The following IL1RAPL1 variants were observed in gnomAD, a reference collection of about 807,000 sequenced individuals.
IL1RAPL1 encodes the protein interleukin 1 receptor accessory protein like 1, also known as interleukin-1 receptor accessory protein-like 1.
A neutral mutation model predicts 48.4 loss-of-function variants in IL1RAPL1; 3 were observed. The observed-to-expected ratio is 0.06, with a 90% CI of 0.03 to 0.16. The LOEUF is 0.16. IL1RAPL1 is among the 10% of genes least tolerant of loss of function. The probability of loss-of-function intolerance (pLI) is 1.00; values close to 1 mark genes in which losing one functional copy is unlikely to be tolerated. For missense variants in IL1RAPL1, 349 were observed against 530.6 expected (o/e 0.66, Z 3.36); for synonymous variants, 185 against 187.7 (o/e 0.99, Z 0.12).
At chrX:28,926,589 C>CA (rs760730732) in intron 2 of IL1RAPL1, among the ~76,000 whole-genome samples, 2 of 111,448 alleles carry the variant, frequency 1.8e-5, no homozygotes, top group African/African-American at 6.5e-5. Context: ...TTGATTATAG[C>CA]AAACCATCTC....
intron 2 of IL1RAPL1, among the ~76,000 whole-genome samples, chrX:29,167,906 G>A (rs1194305362): frequency 9.0e-6 from 1 of 110,719 alleles, no homozygotes; most frequent in African/African-American, 3.3e-5. Flanking sequence ...CTTTTTAAAT[G>A]AAATATGCAG....
At chrX:29,803,712 CTT>C (rs1930183342) in intron 6 of IL1RAPL1, among the ~76,000 whole-genome samples, 1 of 107,133 alleles carries the variant, frequency 9.3e-6, no homozygotes, top group African/African-American at 3.4e-5. Context: ...TTGATTATAA[CTT>C]TTAAAAAGTC....
At chrX:29,431,971 G>T (rs1032040883) in intron 5 of IL1RAPL1, among the ~76,000 whole-genome samples, 4 of 111,576 alleles carry the variant, frequency 3.6e-5, no homozygotes, top group Non-Finnish European at 7.6e-5. Context: ...TTACAACTCA[G>T]TTTGTTTCAT....
chrX:28,853,871 A>G (rs750636600), intron 2 of IL1RAPL1, among the ~76,000 whole-genome samples: 1 of 111,731 alleles, frequency 9.0e-6, no homozygotes, highest in South Asian at 3.7e-4. Flanking sequence ...GAGAGTGTTT[A>G]ATTTTACTGA....
At chrX:29,852,442 C>T (rs993985746) in intron 6 of IL1RAPL1, among the ~76,000 whole-genome samples, 1 of 112,171 alleles carries the variant, frequency 8.9e-6, no homozygotes, top group African/African-American at 3.2e-5. Flanking sequence ...AATGATGTCA[C>T]TCTTGGGCAG....
intron 6 of IL1RAPL1, among the ~76,000 whole-genome samples, chrX:29,896,126 A>T (rs747026321): frequency 8.9e-6 from 1 of 112,211 alleles, no homozygotes; most frequent in Non-Finnish European, 1.9e-5. Flanking sequence ...TTTTAGTGGA[A>T]GGCTATCAGT....
At chrX:29,080,200 G>A (rs1043955413) in intron 2 of IL1RAPL1, among the ~76,000 whole-genome samples, 35 of 109,521 alleles carry the variant, frequency 3.2e-4, no homozygotes, top group African/African-American at 9.6e-4. Context: ...AAGCCTGGGC[G>A]ACAAAGTGAG....
intron 6 of IL1RAPL1, among the ~76,000 whole-genome samples, chrX:29,852,920 G>A (rs1931400665): frequency 9.0e-6 from 1 of 111,502 alleles, no homozygotes; most frequent in Middle Eastern, 4.6e-3. Flanking sequence ...ACAGAATTAA[G>A]AAATCATGTA....
At chrX:29,060,698 C>T (rs933669916) in intron 2 of IL1RAPL1, among the ~76,000 whole-genome samples, 5 of 111,796 alleles carry the variant, frequency 4.5e-5, no homozygotes, top group African/African-American at 1.6e-4. Flanking sequence ...TCTGTACCTT[C>T]TCTAATATCT....
chrX:28,858,451 T>G lies in IL1RAPL1; in HGVS notation c.82+69026T>G, dbSNP rs191009066. On this transcript the variant is annotated intron_variant, in intron 2 of 10. Coordinates refer to ENST00000378993, the MANE Select transcript of IL1RAPL1 (RefSeq NM_014271.4). Reference sequence around the variant, plus strand: ...TTCATTGTTGTCTTATTTTAAGAAATTGCCAGTCACCTCAACCTTCAGTAA... The same window carrying G: ...TTCATTGTTGTCTTATTTTAAGAAAGTGCCAGTCACCTCAACCTTCAGTAA... 6.6e-4 allele frequency among the ~76,000 whole-genome samples: 74 copies of G among 111,945 alleles called. 2 individuals carry two copies. In the Admixed American group the frequency reaches 6.7e-3, roughly 10 times the overall value.
intron 5 of IL1RAPL1, among the ~76,000 whole-genome samples, chrX:29,639,910 C>G (rs1925112991): frequency 9.0e-6 from 1 of 111,623 alleles, no homozygotes; most frequent in Non-Finnish European, 1.9e-5. Context: ...GCAGGCTCTT[C>G]TGAGCCAGAA....
At chrX:29,063,834 T>C (rs970367454) in intron 2 of IL1RAPL1, among the ~76,000 whole-genome samples, 6 of 112,396 alleles carry the variant, frequency 5.3e-5, no homozygotes, top group African/African-American at 9.7e-5. Context: ...CCCCAACACC[T>C]GTAATATGTA....
intron 2 of IL1RAPL1, among the ~76,000 whole-genome samples, chrX:29,199,138 A>G (rs1930503005): frequency 8.9e-6 from 1 of 112,083 alleles, no homozygotes; most frequent in Admixed American, 9.5e-5. Flanking sequence ...TTATTCATGA[A>G]TATCTGATAA....
chrX:29,110,465 G>A (rs368081158), intron 2 of IL1RAPL1, among the ~76,000 whole-genome samples: 104 of 111,688 alleles, frequency 9.3e-4, no homozygotes, highest in Middle Eastern at 4.7e-3. Flanking sequence ...CGGTTTTTAT[G>A]CAGCAGGTCC....
At chrX:29,008,328 C>G (rs1352007539) in intron 2 of IL1RAPL1, among the ~76,000 whole-genome samples, 1 of 108,258 alleles carries the variant, frequency 9.2e-6, no homozygotes, top group East Asian at 2.9e-4. Flanking sequence ...GCGCCCGCCA[C>G]CACGCTTGGC....
At chrX:29,621,857 A>G (rs912458896) in intron 5 of IL1RAPL1, among the ~76,000 whole-genome samples, 1 of 111,977 alleles carries the variant, frequency 8.9e-6, no homozygotes, top group Non-Finnish European at 1.9e-5. Context: ...TCTATCAAAT[A>G]CTAGGTCTTA....
chrX:28,902,291 C>T (rs59853946), intron 2 of IL1RAPL1, among the ~76,000 whole-genome samples: 4,727 of 111,140 alleles, frequency 0.043, 102 homozygotes, highest in East Asian at 0.068. Context: ...CCTACCTCAG[C>T]CTCCCAAGTA....
chrX:29,704,067 C>T (rs1454761691), intron 6 of IL1RAPL1, among the ~76,000 whole-genome samples: 1 of 110,509 alleles, frequency 9.0e-6, no homozygotes, highest in Non-Finnish European at 1.9e-5. Flanking sequence ...TTACTACAGG[C>T]ACGCACTATA....
chrX:28,605,521 C>A (rs1934073603), intron 1 of IL1RAPL1, among the ~76,000 whole-genome samples: 2 of 111,293 alleles, frequency 1.8e-5, no homozygotes, highest in African/African-American at 6.5e-5. Flanking sequence ...CTGCTATTAT[C>A]CTGTGGAACC....
Sources: gnomAD v4.1 joint callset for allele counts (sites outside exome capture counted in the v4.1 genomes callset) on GRCh38, gnomAD v4.1.1 for gene constraint, MANE v1.5 for transcripts, NCBI Gene and HGNC (gene_info 2026-07-23, HGNC 2026-07-21) for gene names.